The following CCR2 variants were observed in gnomAD, a reference collection of about 807,000 sequenced individuals.
CCR2 encodes the protein C-C chemokine receptor type 2.
For synonymous variants in CCR2, 183 were observed against 177.1 expected, an observed-to-expected ratio of 1.03 and a Z score of -0.27; for missense variants, 408 against 440.0, an observed-to-expected ratio of 0.93 and a Z score of 0.65.
chr3:46,357,345 A>T, intron 1 of CCR2, 132 bp from the exon 2 acceptor site: 1 of 637,394 alleles, frequency 1.6e-6, no homozygotes, highest in Non-Finnish European at 2.7e-6. Context: ...ACTGGCACAC[A>T]TGCTTTCAGG....
rs763317099 is a variant in CCR2, at chr3:46,358,497, A to G, written c.970A>G (p.Ile324Val). The change falls in exon 2 of 2, where the codon ATC (isoleucine) becomes GTC (valine). Residue 324 changes from isoleucine to valine, a missense_variant. By Grantham distance (29) the Ile-to-Val change is conservative. Coordinates refer to ENST00000445132, the MANE Select transcript of CCR2 (RefSeq NM_001123396.4). The part of the protein sequence containing the change: ...RYLSVFFRKH[I>V]TKRFCKQCPV... ...TCTCTCGGTGTTCTTCCGAAAGCACATCACCAAGCGCTTCTGCAAACAATG... is the reference window on the plus strand; with the variant it reads ...TCTCTCGGTGTTCTTCCGAAAGCACGTCACCAAGCGCTTCTGCAAACAATG... 2.5e-6 allele frequency: 4 copies of G among 1,613,606 alleles called. No individual in the cohort carries two copies. The highest frequency in any genetic ancestry group is 1.1e-5 in the South Asian group (1 of 91,056).
At position 46,359,320 on chromosome 3, in the gene CCR2, T is replaced by A. The variant is rs1701509363; in HGVS notation, c.*710T>A. ...GAAATATCATGCTCCATTGTTCAGATGCTTCTTAGGCCACATCCCCCTGTC... is the reference window on the plus strand; with the variant it reads ...GAAATATCATGCTCCATTGTTCAGAAGCTTCTTAGGCCACATCCCCCTGTC... On this transcript the variant is annotated 3_prime_UTR_variant, in exon 2 of 2. Transcript: ENST00000445132. 1 of 1,027,034 alleles carries A rather than the reference T, an allele frequency of 9.7e-7. No homozygotes were observed. The highest frequency in any genetic ancestry group is 9.9e-5 in the East Asian group (1 of 10,074). The allele number at this position is 1,027,034 out of a possible 1,614,324, so 63.6% of individuals were successfully genotyped here. A position where few individuals can be genotyped will look rare whatever the true frequency, so the allele number is the denominator to read the frequency against.
At chr3:46,354,867 C>G (rs956413619) in intron 1 of CCR2, 4 of 152,122 alleles carry the variant, frequency 2.6e-5, no homozygotes, top group African/African-American at 9.7e-5. Context: ...TTTAGCTTCT[C>G]CAGATTTCAA....
rs1047629135 is a variant in CCR2 at position 46,359,148 on chromosome 3, T to C, written c.*538T>C. The C allele has an allele frequency of 9.9e-7, 1 of 1,006,102 alleles. No homozygotes were observed. Among genetic ancestry groups the C allele is most frequent in the Non-Finnish European group, 1.2e-6 (1 of 833,742 alleles). 62.3% of individuals were successfully genotyped at this position (1,006,102 alleles called of 1,614,324 possible). A position where few individuals can be genotyped will look rare whatever the true frequency, so the allele number is the denominator to read the frequency against. ...GCCACGTGTATTTAACCTTGAAGGG[T>C]TCACCAGGTCAGGGAGAGTTTGGGA... On this transcript the variant is annotated 3_prime_UTR_variant, in exon 2 of 2. Coordinates refer to ENST00000445132, the MANE Select transcript of CCR2 (RefSeq NM_001123396.4).
chr3:46,354,373 G>A (rs904501347), intron 1 of CCR2, among the ~76,000 whole-genome samples, 196 bp downstream of exon 1: 4 of 152,134 alleles, frequency 2.6e-5, no homozygotes, highest in African/African-American at 7.2e-5. Flanking sequence ...GAAGAGCAGC[G>A]TGCAGCAGGT....
Position 46,357,782 on chromosome 3 carries a change from C to T in CCR2, c.255C>T (p.Ala85=), listed in dbSNP as rs1160137065. The change falls in exon 2 of 2, where the codon GCC becomes GCT. Residue 85 remains alanine, a synonymous_variant. Transcript: ENST00000445132. ...CTGACATTTACCTGCTCAACCTGGCCATCTCTGATCTGCTTTTTCTTATTA... is the reference window on the plus strand; with the variant it reads ...CTGACATTTACCTGCTCAACCTGGCTATCTCTGATCTGCTTTTTCTTATTA... ...CLTDIYLLNL[A]ISDLLFLITL... is the part of the protein sequence containing the mutation. 1 of 1,614,172 alleles carries T rather than the reference C, an allele frequency of 6.2e-7. No individual in the cohort carries two copies. The highest frequency in any genetic ancestry group is 8.5e-7 in the Non-Finnish European group (1 of 1,180,028).
At position 46,358,584 on chromosome 3, in the gene CCR2, G is replaced by T; in HGVS notation, c.1057G>T (p.Glu353Ter). The part of the protein sequence containing the change: ...VTSTNTPSTG[E>*]QEVSAGL ...TTCAACAAACACGCCTTCCACTGGGGAGCAGGAAGTCTCGGCTGGTTTATA... is the reference window on the plus strand; with the variant it reads ...TTCAACAAACACGCCTTCCACTGGGTAGCAGGAAGTCTCGGCTGGTTTATA... Residue 353 changes from glutamate to a stop codon, truncating the protein, a stop_gained, in exon 2 of 2, where the codon GAG becomes TAG. Coordinates refer to ENST00000445132, the MANE Select transcript of CCR2 (RefSeq NM_001123396.4). LOFTEE classifies it high-confidence loss of function. 6.3e-7 allele frequency: 1 copy of T among 1,594,318 alleles called. No individual in the cohort carries two copies.
chr3:46,354,644 AC>A (rs1187045468), intron 1 of CCR2, among the ~76,000 whole-genome samples: 1 of 152,224 alleles, frequency 6.6e-6, no homozygotes, highest in Non-Finnish European at 1.5e-5. Context: ...ATGTTCTGAC[AC>A]TTGAAATGAC....
chr3:46,357,200 C>G (rs3918366), intron 1 of CCR2, among the ~76,000 whole-genome samples: 56 of 152,282 alleles, frequency 3.7e-4, no homozygotes, highest in Non-Finnish European at 5.3e-4. Context: ...TGCAAAGGAG[C>G]CAGAGAAAAC....
At chr3:46,355,978 T>C (rs1216734299) in intron 1 of CCR2, among the ~76,000 whole-genome samples, 1 of 152,234 alleles carries the variant, frequency 6.6e-6, no homozygotes, top group Non-Finnish European at 1.5e-5. Flanking sequence ...TTTTGCTTCT[T>C]AGGCAATGGA....
Position 46,359,788 on chromosome 3 carries a change from C to T in CCR2, c.*1178C>T, listed in dbSNP as rs747312276. Reference sequence around the variant, plus strand: ...TGAAAGTGACTACACAAGGACTCCTCGATGGTCGTGGAAAAGGAAAGTCAA... The same window carrying T: ...TGAAAGTGACTACACAAGGACTCCTTGATGGTCGTGGAAAAGGAAAGTCAA... On this transcript the variant is annotated 3_prime_UTR_variant, in exon 2 of 2. Coordinates refer to ENST00000445132, the MANE Select transcript of CCR2 (RefSeq NM_001123396.4). 15 of 1,614,060 alleles carry T rather than the reference C, an allele frequency of 9.3e-6. No individual in the cohort carries two copies. In the South Asian group the frequency reaches 1.2e-4, roughly 13 times the overall value.
At chr3:46,356,408 G>A (rs768213330) in intron 1 of CCR2, among the ~76,000 whole-genome samples, 21 of 152,148 alleles carry the variant, frequency 1.4e-4, no homozygotes, top group Non-Finnish European at 2.8e-4. Context: ...AAAAGCGGTA[G>A]CACAGCCCCT....
chr3:46,359,525 T>C lies in CCR2; in HGVS notation c.*915T>C, dbSNP rs193075921. ...AAGGACGGGGATCGTGTGGAACCAC[T>C]GCAGAACTATTTCCGAAATCAACTA... On this transcript the variant is annotated 3_prime_UTR_variant, in exon 2 of 2. Coordinates refer to ENST00000445132, the MANE Select transcript of CCR2 (RefSeq NM_001123396.4). The C allele has an allele frequency of 2.0e-6, 2 of 998,502 alleles. No homozygotes were observed. Among genetic ancestry groups the C allele is most frequent in the African/African-American group, 1.6e-5 (1 of 61,268 alleles). 61.9% of individuals were successfully genotyped at this position (998,502 alleles called of 1,614,324 possible).
At position 46,358,654 on chromosome 3, in the gene CCR2, T is replaced by G. The variant is rs758441355; in HGVS notation, c.*44T>G. 1 of 1,532,142 alleles carries G rather than the reference T, an allele frequency of 6.5e-7. No individual in the cohort carries two copies. 94.9% of individuals were successfully genotyped at this position (1,532,142 alleles called of 1,614,324 possible). A position where few individuals can be genotyped will look rare whatever the true frequency, so the allele number is the denominator to read the frequency against. ...TGTTGTTTATAAAGGGAGATAACAATCTGTATATAACAACAAACTTCAAGG... is the reference window on the plus strand; with the variant it reads ...TGTTGTTTATAAAGGGAGATAACAAGCTGTATATAACAACAAACTTCAAGG... On this transcript the variant is annotated 3_prime_UTR_variant, in exon 2 of 2. Coordinates refer to ENST00000445132, the MANE Select transcript of CCR2 (RefSeq NM_001123396.4).
Position 46,357,646 on chromosome 3 carries a change from T to C in CCR2, c.119T>C (p.Ile40Thr), listed in dbSNP as rs1701477166. 1.9e-6 allele frequency: 3 copies of C among 1,614,056 alleles called. No homozygotes were observed. In the Admixed American group the frequency reaches 5.0e-5, roughly 27 times the overall value. ...TGTCATAAATTTGACGTGAAGCAAATTGGGGCCCAACTCCTGCCTCCGCTC... is the reference window on the plus strand; with the variant it reads ...TGTCATAAATTTGACGTGAAGCAAACTGGGGCCCAACTCCTGCCTCCGCTC... ...APCHKFDVKQ[I>T]GAQLLPPLYS... The change falls in exon 2 of 2, where the codon ATT (isoleucine) becomes ACT (threonine). Residue 40 changes from isoleucine (I) to threonine (T), a missense_variant. Transcript: ENST00000445132.
intron 1 of CCR2, 27 bp downstream of exon 1, chr3:46,354,204 C>G (rs891946733): frequency 6.6e-6 from 1 of 152,152 alleles, no homozygotes; most frequent in African/African-American, 2.4e-5. Context: ...TTTTCCATTA[C>G]TTTCTGATTC....
intron 1 of CCR2, among the ~76,000 whole-genome samples, chr3:46,356,689 G>A (rs1559561356): frequency 6.6e-6 from 1 of 152,118 alleles, no homozygotes; most frequent in East Asian, 1.9e-4. Context: ...AGAGGCCAAG[G>A]CGGGTGCATC....
Position 46,359,151 on chromosome 3 carries a change from A to T in CCR2, c.*541A>T. The T allele has an allele frequency of 9.9e-7, 1 of 1,005,858 alleles. No homozygotes were observed. The highest frequency in any genetic ancestry group is 1.2e-6 in the Non-Finnish European group (1 of 833,586). The allele number at this position is 1,005,858 out of a possible 1,614,324, so 62.3% of individuals were successfully genotyped here. Reference sequence around the variant, plus strand: ...ACGTGTATTTAACCTTGAAGGGTTCACCAGGTCAGGGAGAGTTTGGGAACT... The same window carrying T: ...ACGTGTATTTAACCTTGAAGGGTTCTCCAGGTCAGGGAGAGTTTGGGAACT... On this transcript the variant is annotated 3_prime_UTR_variant, in exon 2 of 2. Coordinates refer to ENST00000445132, the MANE Select transcript of CCR2 (RefSeq NM_001123396.4).
At position 46,359,312 on chromosome 3, in the gene CCR2, T is replaced by C. The variant is rs188030467; in HGVS notation, c.*702T>C. 4.9e-6 allele frequency: 5 copies of C among 1,021,984 alleles called. No individual in the cohort carries two copies. In the African/African-American group the frequency reaches 8.6e-5, roughly 18 times the overall value. 63.3% of individuals were successfully genotyped at this position (1,021,984 alleles called of 1,614,324 possible). On this transcript the variant is annotated 3_prime_UTR_variant, in exon 2 of 2. Coordinates refer to ENST00000445132, the MANE Select transcript of CCR2 (RefSeq NM_001123396.4). ...AAATCTATGAAATATCATGCTCCAT[T>C]GTTCAGATGCTTCTTAGGCCACATC...
Sources: gnomAD v4.1 joint callset for allele counts (sites outside exome capture counted in the v4.1 genomes callset) on GRCh38, gnomAD v4.1.1 for gene constraint, MANE v1.5 for transcripts, NCBI Gene and HGNC (gene_info 2026-07-23, HGNC 2026-07-21) for gene names.